Variants in IGSF21 observed in about 807,000 individuals in gnomAD.
IGSF21 encodes the protein immunoglobulin superfamily member 21.
IGSF21 carries 28 observed loss-of-function variants against 46.8 expected under a neutral mutation model. The ratio of observed to expected loss-of-function variants is 0.60; its 90% confidence interval spans 0.44 to 0.82. IGSF21 has a LOEUF of 0.82. IGSF21 is among the 40% of genes least tolerant of loss of function. The probability of loss-of-function intolerance (pLI) is 0.00; values close to 1 mark genes in which losing one functional copy is unlikely to be tolerated. For missense variants in IGSF21, 624 were observed against 665.5 expected, an observed-to-expected ratio of 0.94 and a Z score of 0.69; for synonymous variants, 284 against 273.6, an observed-to-expected ratio of 1.04 and a Z score of -0.38.
At chr1:18,108,336 T>G in intron 1 of IGSF21, 138 bp downstream of exon 1, 1 of 935,044 alleles carries the variant, frequency 1.1e-6, no homozygotes, top group Non-Finnish European at 1.4e-6. Flanking sequence ...GTGGAGCTGG[T>G]TGGCTCGATG....
chr1:18,227,850 C>T (rs2084583987), intron 1 of IGSF21, 48 bp from the exon 2 acceptor site: 1 of 1,418,542 alleles, frequency 7.0e-7, no homozygotes, highest in Non-Finnish European at 1.0e-6. Flanking sequence ...AGCCCAGCCC[C>T]TCTGATCTGC....
At chr1:18,234,316 G>A (rs1557599736) in intron 2 of IGSF21, among the ~76,000 whole-genome samples, 1 of 152,198 alleles carries the variant, frequency 6.6e-6, no homozygotes, top group Non-Finnish European at 1.5e-5. Flanking sequence ...CCCTGATGAG[G>A]TATGTCCAGT....
chr1:18,266,640 A>G (rs1178583395), intron 2 of IGSF21, among the ~76,000 whole-genome samples: 5 of 152,260 alleles, frequency 3.3e-5, no homozygotes, highest in Non-Finnish European at 7.3e-5. Context: ...TCCAGAGGCC[A>G]TGCACTGTCA....
chr1:18,248,944 G>A (rs888779249), intron 2 of IGSF21, among the ~76,000 whole-genome samples: 8 of 152,104 alleles, frequency 5.3e-5, no homozygotes, highest in Admixed American at 6.5e-5. Context: ...GGCTTCGCAG[G>A]GGAAGAAAAG....
intron 3 of IGSF21, among the ~76,000 whole-genome samples, chr1:18,315,547 T>TGATGGATG (rs34398523): frequency 0.57 from 84,894 of 149,214 alleles, 25,299 homozygotes; most frequent in East Asian, 0.92. Context: ...AGTGGATGGA[T>TGATGGATG]GATGGATGGA....
intron 1 of IGSF21, among the ~76,000 whole-genome samples, chr1:18,207,142 T>C (rs2084337134): frequency 6.6e-6 from 1 of 152,190 alleles, no homozygotes; most frequent in East Asian, 1.9e-4. Flanking sequence ...TGATTGTCAC[T>C]CTCTTCTCCT....
chr1:18,265,830 C>T (rs768156818), intron 2 of IGSF21, among the ~76,000 whole-genome samples: 17 of 152,332 alleles, frequency 1.1e-4, no homozygotes, highest in Non-Finnish European at 1.6e-4. Flanking sequence ...TCCTTAAGCT[C>T]GCAGGCTGAG....
intron 1 of IGSF21, among the ~76,000 whole-genome samples, chr1:18,129,570 A>T (rs1330001292): frequency 6.6e-6 from 1 of 152,176 alleles, no homozygotes; most frequent in Non-Finnish European, 1.5e-5. Flanking sequence ...GAGGCTGAGA[A>T]GGGGTCAGTG....
chr1:18,157,114 G>A (rs1455249216), intron 1 of IGSF21, among the ~76,000 whole-genome samples: 2 of 151,904 alleles, frequency 1.3e-5, no homozygotes, highest in Non-Finnish European at 2.9e-5. Context: ...GGTGACAGAG[G>A]GAGACTCCAC....
chr1:18,281,786 G>T (rs992215995), intron 2 of IGSF21, among the ~76,000 whole-genome samples: 9 of 152,160 alleles, frequency 5.9e-5, no homozygotes, highest in African/African-American at 2.2e-4. Flanking sequence ...CGGGAGGCAG[G>T]GAGGAGGCAG....
chr1:18,304,944 G>T (rs75369757), intron 3 of IGSF21, among the ~76,000 whole-genome samples: 4,649 of 152,290 alleles, frequency 0.031, 195 homozygotes, highest in African/African-American at 0.092. Flanking sequence ...TGCTCCAGGT[G>T]CTTCAAACCT....
chr1:18,217,849 C>T (rs2084465291), intron 1 of IGSF21, among the ~76,000 whole-genome samples: 1 of 152,196 alleles, frequency 6.6e-6, no homozygotes, highest in Non-Finnish European at 1.5e-5. Flanking sequence ...CATCTATGAG[C>T]CTCAGTCTCC....
At chr1:18,302,772 G>A (rs2085374499) in intron 3 of IGSF21, among the ~76,000 whole-genome samples, 1 of 152,158 alleles carries the variant, frequency 6.6e-6, no homozygotes, top group Non-Finnish European at 1.5e-5. Flanking sequence ...CAATTTAGAA[G>A]GAGGGTCAGG....
intron 3 of IGSF21, among the ~76,000 whole-genome samples, chr1:18,311,109 AC>A (rs2085484244): frequency 6.6e-6 from 1 of 152,124 alleles, no homozygotes; most frequent in Non-Finnish European, 1.5e-5. Flanking sequence ...AATTCACCCT[AC>A]AACACCGCCT....
chr1:18,266,523 A>T (rs1215456300), intron 2 of IGSF21, among the ~76,000 whole-genome samples: 1 of 152,348 alleles, frequency 6.6e-6, no homozygotes, highest in East Asian at 1.9e-4. Context: ...TCACTGGGAC[A>T]ACAGGAGTGA....
intron 4 of IGSF21, among the ~76,000 whole-genome samples, chr1:18,349,806 C>G (rs1311526442): frequency 6.6e-6 from 1 of 152,092 alleles, no homozygotes; most frequent in African/African-American, 2.4e-5. Context: ...TTCCTGTAAT[C>G]CTAGCACTTT....
intron 2 of IGSF21, among the ~76,000 whole-genome samples, chr1:18,239,989 G>T (rs889218110): frequency 3.9e-5 from 6 of 152,286 alleles, no homozygotes; most frequent in Admixed American, 1.3e-4. Flanking sequence ...AGAACAATGG[G>T]CTGGGCACAC....
intron 2 of IGSF21, among the ~76,000 whole-genome samples, chr1:18,232,849 T>C (rs1479322216): frequency 6.6e-6 from 1 of 152,262 alleles, no homozygotes; most frequent in African/African-American, 2.4e-5. Flanking sequence ...CTGTCTCATG[T>C]GGGCATCTGT....
At chr1:18,259,621 T>A (rs1329071874) in intron 2 of IGSF21, among the ~76,000 whole-genome samples, 2 of 152,184 alleles carry the variant, frequency 1.3e-5, no homozygotes, top group Admixed American at 6.5e-5. Flanking sequence ...CCTGACATTT[T>A]ATATAAAGAA....
Sources: allele counts gnomAD v4.1 joint callset (sites outside exome capture counted in the v4.1 genomes callset), GRCh38; gene constraint gnomAD v4.1.1; transcripts MANE v1.5; gene names NCBI Gene and HGNC (gene_info 2026-07-23, HGNC 2026-07-21).